PAM: variants seen among roughly 807,000 people sequenced by gnomAD.
The protein encoded by PAM is peptidyl-glycine alpha-amidating monooxygenase.
In PAM, 72 loss-of-function variants were observed where a neutral mutation model predicts 122.1. The observed-to-expected ratio is 0.59, with a 90% CI of 0.49 to 0.72. PAM has a LOEUF of 0.72. Among genes scored for constraint, PAM ranks in the 30% least tolerant of loss-of-function variants. The pLI is 0.00. For missense variants in PAM, 1,106 were observed against 1,183.7 expected, an observed-to-expected ratio of 0.93 and a Z score of 0.96; for synonymous variants, 389 against 404.4, an observed-to-expected ratio of 0.96 and a Z score of 0.46.
chr5:102,958,123 C>G (rs1414829858), intron 12 of PAM, among the ~76,000 whole-genome samples: 1 of 152,104 alleles, frequency 6.6e-6, no homozygotes, highest in African/African-American at 2.4e-5. Context: ...CTTACATATG[C>G]TGTTGTGGGT....
At chr5:102,968,953 G>A (rs1431116489) in intron 14 of PAM, among the ~76,000 whole-genome samples, 1 of 152,130 alleles carries the variant, frequency 6.6e-6, no homozygotes, top group African/African-American at 2.4e-5. Flanking sequence ...TATGGATGAA[G>A]CTGGAAATAT....
chr5:103,026,565 G>A (rs1009111854), intron 24 of PAM, among the ~76,000 whole-genome samples: 1 of 152,130 alleles, frequency 6.6e-6, no homozygotes, highest in South Asian at 2.1e-4. Context: ...ATAAGTAGGG[G>A]CAAAGAGAAA....
chr5:102,820,708 T>C (rs893685346), intron 1 of PAM, among the ~76,000 whole-genome samples: 4 of 152,114 alleles, frequency 2.6e-5, no homozygotes, highest in African/African-American at 9.7e-5. Flanking sequence ...TAATGAAAAA[T>C]TGGTTGGAAT....
chr5:102,930,051 G>T (rs1278996855), intron 7 of PAM, among the ~76,000 whole-genome samples: 1 of 152,040 alleles, frequency 6.6e-6, no homozygotes, highest in African/African-American at 2.4e-5. Flanking sequence ...AGTTCTATGG[G>T]ATTACATAAA....
At chr5:102,824,364 C>G (rs1278814002) in intron 1 of PAM, among the ~76,000 whole-genome samples, 1 of 152,152 alleles carries the variant, frequency 6.6e-6, no homozygotes, top group Non-Finnish European at 1.5e-5. Context: ...ATGAAATCAG[C>G]CAAAACTTTA....
chr5:103,017,160 G>C (rs1429335496), intron 21 of PAM, among the ~76,000 whole-genome samples, 174 bp from the exon 22 acceptor site: 1 of 152,166 alleles, frequency 6.6e-6, no homozygotes, highest in Non-Finnish European at 1.5e-5. Flanking sequence ...CCCAATGAAT[G>C]AATGAATGAA....
At chr5:102,770,333 T>C (rs542220784) in intron 1 of PAM, among the ~76,000 whole-genome samples, 2 of 152,092 alleles carry the variant, frequency 1.3e-5, no homozygotes, top group Non-Finnish European at 2.9e-5. Flanking sequence ...TTGACTTCTT[T>C]CTTTTCAATT....
intron 1 of PAM, among the ~76,000 whole-genome samples, chr5:102,859,866 A>G (rs1413594057): frequency 6.6e-6 from 1 of 152,174 alleles, no homozygotes; most frequent in East Asian, 1.9e-4. Context: ...TCCAGTATTC[A>G]CTATAGTAAC....
intron 1 of PAM, among the ~76,000 whole-genome samples, chr5:102,804,679 A>T (rs1007751770): frequency 6.6e-6 from 1 of 152,240 alleles, no homozygotes; most frequent in Non-Finnish European, 1.5e-5. Context: ...ACTGTTGCTC[A>T]TCTGGACTAG....
chr5:102,980,718 C>T (rs973448312), intron 15 of PAM, among the ~76,000 whole-genome samples: 2 of 152,096 alleles, frequency 1.3e-5, no homozygotes, highest in Non-Finnish European at 2.9e-5. Context: ...TATTAATTAA[C>T]TTAGCTAATA....
chr5:103,009,899 C>T, intron 21 of PAM, 33 bp downstream of exon 21: 1 of 1,136,506 alleles, frequency 8.8e-7, no homozygotes, highest in South Asian at 1.5e-5. Context: ...TTTCAATTTT[C>T]ATGAGAAGAA....
chr5:102,959,838 G>C, intron 12 of PAM, 37 bp from the exon 13 acceptor site: 1 of 1,464,966 alleles, frequency 6.8e-7, no homozygotes, highest in Non-Finnish European at 9.5e-7. Flanking sequence ...TGTTTTATGT[G>C]AATAGTTGAT....
chr5:102,915,727 A>T (rs1802904930), intron 5 of PAM, among the ~76,000 whole-genome samples: 1 of 152,150 alleles, frequency 6.6e-6, no homozygotes, highest in Non-Finnish European at 1.5e-5. Flanking sequence ...CTTTTGCTGC[A>T]CCTTGGTTTA....
At chr5:102,842,482 G>A (rs569074395) in intron 1 of PAM, among the ~76,000 whole-genome samples, 5 of 152,222 alleles carry the variant, frequency 3.3e-5, no homozygotes, top group South Asian at 2.1e-4. Context: ...TATGTAAGAC[G>A]TGACTTGCTC....
rs1206883655 is a variant in PAM at position 103,006,274 on chromosome 5, G to GT, written c.1804-520dup. ...TCTATTTTTTTACTTATTTTTTTAT[G>GT]TTTTTTTCTTAAACTACCTTAATCT... On this transcript the variant is annotated intron_variant, in intron 18 of 25. Transcript: ENST00000438793. Among the ~76,000 whole-genome samples, 5 of 151,810 alleles carry GT rather than the reference G, an allele frequency of 3.3e-5. No individual in the cohort carries two copies. The East Asian group carries it at 9.7e-4, about 29-fold the overall frequency.
intron 15 of PAM, among the ~76,000 whole-genome samples, chr5:102,988,848 G>C (rs911573001): frequency 6.6e-6 from 1 of 152,008 alleles, no homozygotes; most frequent in African/African-American, 2.4e-5. Flanking sequence ...AAATATTTTG[G>C]GTGAAAAGGT....
chr5:102,966,341 A>G (rs1764077522), intron 14 of PAM, among the ~76,000 whole-genome samples: 2 of 152,238 alleles, frequency 1.3e-5, no homozygotes, highest in African/African-American at 4.8e-5. Flanking sequence ...AGGCTTTCCA[A>G]TATAGATCTG....
intron 3 of PAM, among the ~76,000 whole-genome samples, chr5:102,871,104 T>C (rs917826534): frequency 2.6e-5 from 4 of 152,204 alleles, no homozygotes; most frequent in African/African-American, 9.6e-5. Context: ...AACAGATGCA[T>C]TGGGGCTGGG....
chr5:102,907,566 G>T (rs1006929629), intron 4 of PAM, among the ~76,000 whole-genome samples: 6 of 150,720 alleles, frequency 4.0e-5, no homozygotes, highest in Non-Finnish European at 8.9e-5. Context: ...CACAATGGTT[G>T]AACTAGTTTA....
Sources: gnomAD v4.1 joint callset for allele counts (sites outside exome capture counted in the v4.1 genomes callset) on GRCh38, gnomAD v4.1.1 for gene constraint, MANE v1.5 for transcripts, NCBI Gene and HGNC (gene_info 2026-07-23, HGNC 2026-07-21) for gene names.